The following WDFY3 variants were observed in gnomAD, a reference collection of about 807,000 sequenced individuals.
WDFY3 encodes the protein WD repeat and FYVE domain containing 3.
A neutral mutation model predicts 409.6 loss-of-function variants in WDFY3; 66 were observed. That is an observed-to-expected ratio of 0.16 (90% CI 0.13 to 0.20). The LOEUF (loss-of-function observed/expected upper bound fraction) is 0.20. Among genes scored for constraint, WDFY3 ranks in the 10% least tolerant of loss-of-function variants. WDFY3 has a pLI of 1.00. For synonymous variants in WDFY3, 1,521 were observed against 1,537.1 expected, an observed-to-expected ratio of 0.99 and a Z score of 0.25; for missense variants, 3,031 against 4,298.1, an observed-to-expected ratio of 0.71 and a Z score of 8.24.
chr4:84,914,462 T>C (rs555260213), intron 2 of WDFY3, among the ~76,000 whole-genome samples: 16 of 152,166 alleles, frequency 1.1e-4, no homozygotes, highest in African/African-American at 3.4e-4. Context: ...AATAGGTTAT[T>C]AGTAGTTACA....
intron 4 of WDFY3, among the ~76,000 whole-genome samples, chr4:84,852,634 A>C (rs185794183): frequency 1.3e-5 from 2 of 152,320 alleles, no homozygotes; most frequent in African/African-American, 4.8e-5. Context: ...CAAAATCTCA[A>C]AAAATAAACT....
chr4:84,934,239 T>C (rs1561109747), intron 1 of WDFY3, among the ~76,000 whole-genome samples: 1 of 152,178 alleles, frequency 6.6e-6, no homozygotes, highest in Non-Finnish European at 1.5e-5. Context: ...TGATACCTCA[T>C]TGCGGTTTTG....
chr4:84,830,314 G>A (rs1159629436), intron 8 of WDFY3, among the ~76,000 whole-genome samples: 5 of 152,192 alleles, frequency 3.3e-5, no homozygotes, highest in African/African-American at 1.2e-4. Context: ...TATAAGCATT[G>A]TTTTCCACTT....
chr4:84,891,577 A>T (rs889137020), intron 3 of WDFY3, among the ~76,000 whole-genome samples: 1 of 152,180 alleles, frequency 6.6e-6, no homozygotes, highest in African/African-American at 2.4e-5. Flanking sequence ...GATTCCGCAG[A>T]ACACCATGAT....
At chr4:84,937,839 C>A (rs1039697312) in intron 1 of WDFY3, among the ~76,000 whole-genome samples, 8 of 152,096 alleles carry the variant, frequency 5.3e-5, no homozygotes, top group African/African-American at 1.4e-4. Context: ...ACTTGCTATT[C>A]TCTCCCTATA....
chr4:84,844,505 T>C (rs1374141393), intron 5 of WDFY3: 1 of 1,289,558 alleles, frequency 7.8e-7, no homozygotes, highest in Admixed American at 2.3e-5. Context: ...GGGCACACTG[T>C]TTTTCTGTTT....
chr4:84,755,295 A>G lies in WDFY3; in HGVS notation c.5530T>C (p.Leu1844=), dbSNP rs759813285. ...GTCAGCATGCTGCGGAGCATTCCCA[A>G]TAATAAAAAAACAGCTTCTGTGCAT... is the stretch of plus-strand genomic sequence containing the variant. The part of the protein sequence containing the change: ...NVCTEAVFLL[L]GMLRSMLTSP... Residue 1844 remains leucine (L), a synonymous_variant, in exon 34 of 68, where the codon TTG becomes CTG. Coordinates refer to ENST00000295888, the MANE Select transcript of WDFY3 (RefSeq NM_014991.6). 1.2e-6 allele frequency: 2 copies of G among 1,613,122 alleles called. No individual in the cohort carries two copies. Among genetic ancestry groups the G allele is most frequent in the Non-Finnish European group, 1.7e-6 (2 of 1,179,744 alleles).
intron 3 of WDFY3, among the ~76,000 whole-genome samples, chr4:84,863,183 T>C (rs1199239879): frequency 6.6e-6 from 1 of 152,236 alleles, no homozygotes; most frequent in African/African-American, 2.4e-5. Flanking sequence ...GCAACAAACA[T>C]GGGAGTGCAG....
chr4:84,771,531 A>G (rs1298292217), intron 30 of WDFY3, among the ~76,000 whole-genome samples: 1 of 152,204 alleles, frequency 6.6e-6, no homozygotes, highest in Admixed American at 6.5e-5. Context: ...AGCCTATATT[A>G]ATTTAGAACT....
At position 84,721,508 on chromosome 4, in the gene WDFY3, C is replaced by G; in HGVS notation, c.7506G>C (p.Gln2502His). 8 of 1,612,342 alleles carry G rather than the reference C, an allele frequency of 5.0e-6. No individual in the cohort carries two copies. The highest frequency in any genetic ancestry group is 6.8e-6 in the Non-Finnish European group (8 of 1,180,018). ...CAGCAATCTGGTCTTGTAGCTGCTC[C>G]TGGTTCTCCTCATCTCCTCCATCAG... ...SAPDGGDEENQEQLQDQIAEG... is the reference protein window; with the variant it reads ...SAPDGGDEENHEQLQDQIAEG... Residue 2502 changes from glutamine (Q) to histidine (H), a missense_variant, in exon 47 of 68, where the codon CAG (glutamine) becomes CAC (histidine). Physicochemically the swap from Gln to His is conservative, Grantham distance 24. Transcript: ENST00000295888.
rs139234296 is a variant in WDFY3, at chr4:84,794,502, CA to C, written c.3487+16del. The C allele has an allele frequency of 1.9e-4, 294 of 1,555,706 alleles. No homozygotes were observed. The highest frequency in any genetic ancestry group is 5.0e-4 in the Admixed American group (28 of 55,482). ...TACTTCTATAATCAAAAGAAGAAAA[CA>C]AAAAAAAATACTGACCATAATTTTG... is the stretch of plus-strand genomic sequence containing the variant. On this transcript the variant is annotated intron_variant, in intron 21 of 67. Coordinates refer to ENST00000295888, the MANE Select transcript of WDFY3 (RefSeq NM_014991.6).
intron 16 of WDFY3, 56 bp from the exon 17 acceptor site, chr4:84,801,920 A>G (rs112031760): frequency 3.2e-6 from 5 of 1,542,012 alleles, no homozygotes; most frequent in Non-Finnish European, 4.4e-6. Flanking sequence ...GAAAGATGAC[A>G]ATTCTTTTCA....
chr4:84,675,175 C>T (rs1269128339), intron 67 of WDFY3, among the ~76,000 whole-genome samples: 5 of 151,972 alleles, frequency 3.3e-5, no homozygotes, highest in African/African-American at 1.2e-4. Context: ...AGGCTGGTCT[C>T]GAACTCCTGA....
intron 36 of WDFY3, among the ~76,000 whole-genome samples, chr4:84,744,236 G>A (rs1274814665): frequency 6.6e-6 from 1 of 151,084 alleles, no homozygotes; most frequent in East Asian, 1.9e-4. Context: ...GAGATATGGT[G>A]GTTTACAATG....
At chr4:84,767,431 C>T (rs983407013) in intron 30 of WDFY3, among the ~76,000 whole-genome samples, 4 of 151,792 alleles carry the variant, frequency 2.6e-5, no homozygotes, top group Admixed American at 6.6e-5. Flanking sequence ...GATGTTCAAG[C>T]GAAAGAAAGA....
chr4:84,803,179 T>G, intron 16 of WDFY3, 111 bp downstream of exon 16: 1 of 1,197,182 alleles, frequency 8.4e-7, no homozygotes, highest in East Asian at 2.8e-5. Flanking sequence ...TTCAGCTACT[T>G]TAGTATGTAA....
intron 1 of WDFY3, among the ~76,000 whole-genome samples, chr4:84,958,352 T>C (rs940295431): frequency 1.3e-5 from 2 of 152,240 alleles, no homozygotes; most frequent in Non-Finnish European, 2.9e-5. Context: ...CAGTTTTCAA[T>C]GATTAATCCT....
intron 3 of WDFY3, among the ~76,000 whole-genome samples, chr4:84,861,644 T>A (rs1003965088): frequency 1.3e-5 from 2 of 152,146 alleles, no homozygotes; most frequent in Admixed American, 6.6e-5. Flanking sequence ...AAATAGAAGA[T>A]AAGAAAAGAA....
intron 7 of WDFY3, among the ~76,000 whole-genome samples, chr4:84,835,448 A>G (rs2149976692): frequency 6.6e-6 from 1 of 152,288 alleles, no homozygotes; most frequent in East Asian, 1.9e-4. Context: ...TATTCCTGCC[A>G]TTTGCTTACA....
Sources: gnomAD v4.1 joint callset for allele counts (sites outside exome capture counted in the v4.1 genomes callset) on GRCh38, gnomAD v4.1.1 for gene constraint, MANE v1.5 for transcripts, NCBI Gene and HGNC (gene_info 2026-07-23, HGNC 2026-07-21) for gene names.